Variants in GALM observed in about 807,000 individuals in gnomAD.
GALM encodes aldose 1-epimerase.
GALM carries 43 observed loss-of-function variants against 37.4 expected under a neutral mutation model. The observed-to-expected ratio is 1.15, with a 90% CI of 0.90 to 1.48. GALM has a LOEUF of 1.48. Among genes scored for constraint, GALM ranks in the 40% most tolerant of loss-of-function variants. GALM has a pLI of 0.00. For missense variants in GALM, 456 were observed against 419.1 expected (o/e 1.09, Z -0.77); for synonymous variants, 199 against 170.6 (o/e 1.17, Z -1.30).
Position 38,682,223 on chromosome 2 carries a change from C to T in GALM, c.552+737C>T, listed in dbSNP as rs1213162697. 1.3e-5 allele frequency: 6 copies of T among 452,312 alleles called. No individual in the cohort carries two copies. The East Asian group carries it at 4.2e-4, about 31-fold the overall frequency. The allele number at this position is 452,312 out of a possible 1,614,324, so 28.0% of individuals were successfully genotyped here. ...CCCTTAAGTGATCCCTTCTGAACTA[C>T]CTCATTCCCTCCTAAAGGTAACAGT... On this transcript the variant is annotated intron_variant, in intron 3 of 6. Coordinates refer to ENST00000272252, the MANE Select transcript of GALM (RefSeq NM_138801.3).
intron 4 of GALM, among the ~76,000 whole-genome samples, chr2:38,719,064 G>T (rs972307774): frequency 4.6e-5 from 7 of 151,830 alleles, no homozygotes; most frequent in African/African-American, 1.7e-4. Context: ...AATGTGTGTG[G>T]CATAAATGTG....
chr2:38,687,778 T>C (rs1665573763), intron 3 of GALM, among the ~76,000 whole-genome samples: 1 of 152,006 alleles, frequency 6.6e-6, no homozygotes, highest in Non-Finnish European at 1.5e-5. Flanking sequence ...ATTAAACCAG[T>C]TTCTGTCGTG....
intron 3 of GALM, among the ~76,000 whole-genome samples, chr2:38,683,571 T>TC (rs1179264962): frequency 6.6e-6 from 1 of 151,918 alleles, no homozygotes; most frequent in East Asian, 1.9e-4. Context: ...TAGATTGTCC[T>TC]CTTTTTTTTT....
chr2:38,729,167 T>G (rs912212391), intron 4 of GALM, among the ~76,000 whole-genome samples: 9 of 148,298 alleles, frequency 6.1e-5, no homozygotes, highest in African/African-American at 1.2e-4. Flanking sequence ...TATTTGAGGG[T>G]TTTTTTTTTC....
At chr2:38,686,231 T>C (rs1485591312) in intron 3 of GALM, among the ~76,000 whole-genome samples, 918 of 32,590 alleles carry the variant, frequency 0.028, 48 homozygotes, top group East Asian at 0.086. Context: ...TTTCTTTCTT[T>C]CTTTCTTTCT....
intron 4 of GALM, among the ~76,000 whole-genome samples, chr2:38,701,003 A>T (rs1665906773): frequency 6.6e-6 from 1 of 152,172 alleles, no homozygotes; most frequent in Admixed American, 6.5e-5. Flanking sequence ...AGTGGTGATG[A>T]ATTCTGTCAG....
At chr2:38,669,000 G>C (rs989697946) in intron 1 of GALM, 1 of 152,046 alleles carries the variant, frequency 6.6e-6, no homozygotes, top group Admixed American at 6.6e-5. Flanking sequence ...TTGGATGACA[G>C]CCATAACCAG....
At chr2:38,719,951 CCAA>C (rs1178450981) in intron 4 of GALM, among the ~76,000 whole-genome samples, 1 of 151,926 alleles carries the variant, frequency 6.6e-6, no homozygotes, top group Admixed American at 6.6e-5. Context: ...TTGGCTCACA[CCAA>C]CACTTTGGGA....
chr2:38,687,101 G>A (rs1185946734), intron 3 of GALM, among the ~76,000 whole-genome samples: 1 of 152,166 alleles, frequency 6.6e-6, no homozygotes, highest in Non-Finnish European at 1.5e-5. Context: ...AACAAATAGG[G>A]CCAAGGAAAT....
chr2:38,667,004 T>C (rs562857371), intron 1 of GALM, among the ~76,000 whole-genome samples: 1 of 152,304 alleles, frequency 6.6e-6, no homozygotes, highest in Admixed American at 6.5e-5. Flanking sequence ...ATTTGACAAC[T>C]CTATTAATCC....
At chr2:38,682,194 A>AC in intron 3 of GALM, 2 of 397,314 alleles carry the variant, frequency 5.0e-6, no homozygotes, top group South Asian at 1.8e-5. Context: ...GCTGCTGACA[A>AC]CCCCCCTTAA....
chr2:38,698,468 A>G (rs12465156), intron 4 of GALM: 117,227 of 1,178,124 alleles, frequency 0.1, 6,772 homozygotes, highest in Non-Finnish European at 0.12. Context: ...GGATGTTAGC[A>G]GTTAATTTAG....
rs142724539 is a variant in GALM, at chr2:38,678,337, G to A, written c.345+2271G>A. 5.9e-5 allele frequency among the ~76,000 whole-genome samples: 9 copies of A among 152,144 alleles called. No individual in the cohort carries two copies. In the East Asian group the frequency reaches 1.7e-3, roughly 29 times the overall value. On this transcript the variant is annotated intron_variant, in intron 2 of 6. Coordinates refer to ENST00000272252, the MANE Select transcript of GALM (RefSeq NM_138801.3). The stretch of plus-strand genomic sequence containing the variant: ...CAACACATTTTTTTTTAAGATGACA[G>A]TTGAATAGGATTTGAAATGGTATAA...
chr2:38,732,215 C>A (rs1256817206), intron 6 of GALM, among the ~76,000 whole-genome samples: 1 of 152,110 alleles, frequency 6.6e-6, no homozygotes, highest in Non-Finnish European at 1.5e-5. Context: ...TACCACCATG[C>A]CTGCTTAATT....
chr2:38,691,175 T>A (rs1240792708), intron 4 of GALM, among the ~76,000 whole-genome samples: 1 of 152,244 alleles, frequency 6.6e-6, no homozygotes, highest in Non-Finnish European at 1.5e-5. Context: ...AATTAGCTTA[T>A]AAGTGGAGGT....
chr2:38,668,404 C>T (rs1665008620), intron 1 of GALM: 1 of 152,156 alleles, frequency 6.6e-6, no homozygotes. Context: ...TGGGCTGTGA[C>T]TCTTACAGGG....
Position 38,706,511 on chromosome 2 carries a change from CAAAAAAA to C in GALM, c.634+16630_634+16636del, listed in dbSNP as rs1219516280. Among the ~76,000 whole-genome samples, 582 of 68,526 alleles carry C rather than the reference CAAAAAAA, an allele frequency of 8.5e-3. 7 individuals are homozygous for C. Among genetic ancestry groups the C allele is most frequent in the African/African-American group, 0.028 (535 of 18,886 alleles). The allele number at this position is 68,526 out of a possible 152,430, so 45.0% of individuals were successfully genotyped here. ...GCAACATATCGAGACCCCATCTCTACAAAAAAAAAAAAAAAAAAATTAGCCAGGTGCG... is the reference window on the plus strand; with the variant it reads ...GCAACATATCGAGACCCCATCTCTACAAAAAAAAAAAATTAGCCAGGTGCG... On this transcript the variant is annotated intron_variant, in intron 4 of 6. Transcript: ENST00000272252.
chr2:38,705,966 G>A (rs1250519104), intron 4 of GALM, among the ~76,000 whole-genome samples: 1 of 152,052 alleles, frequency 6.6e-6, no homozygotes, highest in African/African-American at 2.4e-5. Context: ...TCCCACCTCA[G>A]CCTCCCGAGT....
intron 5 of GALM, among the ~76,000 whole-genome samples, chr2:38,730,413 C>T (rs1378571578): frequency 6.6e-6 from 1 of 152,058 alleles, no homozygotes; most frequent in Non-Finnish European, 1.5e-5. Flanking sequence ...ATAACAGGCA[C>T]GTGCCACTAT....
Sources: allele counts gnomAD v4.1 joint callset (sites outside exome capture counted in the v4.1 genomes callset), GRCh38; gene constraint gnomAD v4.1.1; transcripts MANE v1.5; gene names NCBI Gene and HGNC (gene_info 2026-07-23, HGNC 2026-07-21).